Variants in ADK observed in about 807,000 individuals in gnomAD.
ADK encodes N6,N6-dimethyladenosine kinase.
Under a neutral mutation model 44.7 loss-of-function variants are expected in ADK, and 24 were observed. The ratio of observed to expected loss-of-function variants is 0.54; its 90% CI spans 0.39 to 0.76. The LOEUF is 0.76. Ranked by LOEUF, ADK falls within the 30% of genes least tolerant of loss-of-function variation. The pLI is 0.00. For synonymous variants in ADK, 128 were observed against 142.6 expected, an observed-to-expected ratio of 0.90 and a Z score of 0.73; for missense variants, 321 against 425.1, an observed-to-expected ratio of 0.76 and a Z score of 2.15.
chr10:74,545,074 T>G (rs921878319), intron 7 of ADK, among the ~76,000 whole-genome samples: 7 of 152,210 alleles, frequency 4.6e-5, no homozygotes, highest in African/African-American at 1.7e-4. Context: ...CATACTTATG[T>G]CTGTGTTCAG....
intron 6 of ADK, among the ~76,000 whole-genome samples, chr10:74,433,643 T>A (rs1845076837): frequency 6.6e-6 from 1 of 152,102 alleles, no homozygotes; most frequent in Admixed American, 6.6e-5. Context: ...TATAGAGTGA[T>A]TTTTTTATTT....
intron 4 of ADK, among the ~76,000 whole-genome samples, chr10:74,364,385 C>T (rs542808502): frequency 9.7e-4 from 148 of 152,318 alleles, no homozygotes; most frequent in Non-Finnish European, 9.4e-4. Context: ...ATCTCTGATG[C>T]ATTCAGCTGC....
In ADK at chr10:74,401,996, T is replaced by C. The variant is rs192908757; in HGVS notation, c.555+3417T>C. Among the ~76,000 whole-genome samples, 30 of 152,338 alleles carry C rather than the reference T, an allele frequency of 2.0e-4. 1 individual carries two copies. In the East Asian group the frequency reaches 5.6e-3, roughly 28 times the overall value. ...AAGGATTTTATTTCTCCTTCACTTA[T>C]GAAGCTTAGTTTGGCTCGATATGAA... On this transcript the variant is annotated intron_variant, in intron 6 of 10. Transcript: ENST00000539909.
chr10:74,299,670 G>A (rs1839936002), intron 3 of ADK, among the ~76,000 whole-genome samples: 1 of 151,380 alleles, frequency 6.6e-6, no homozygotes, highest in Non-Finnish European at 1.5e-5. Flanking sequence ...AATCTACAAA[G>A]TTTGTGAAAC....
intron 1 of ADK, among the ~76,000 whole-genome samples, chr10:74,155,541 T>C (rs1841722052): frequency 6.6e-6 from 1 of 152,158 alleles, no homozygotes; most frequent in South Asian, 2.1e-4. Context: ...TGTTTGTTTT[T>C]GTTTTTGAGA....
At chr10:74,440,164 AATTGATTCC>A (rs1845348448) in intron 6 of ADK, among the ~76,000 whole-genome samples, 1 of 152,140 alleles carries the variant, frequency 6.6e-6, no homozygotes, top group African/African-American at 2.4e-5. Context: ...TTTATTTGAA[AATTGATTCC>A]ATATTGGACA....
chr10:74,708,307 T>G lies in ADK; in HGVS notation c.965-14T>G, dbSNP rs2131805706. On this transcript the variant is annotated splice_polypyrimidine_tract_variant and intron_variant, in intron 10 of 10. Transcript: ENST00000539909. ...TATACAATACTCATGTGTTTTTTTT[T>G]GCCTGTGTTCTAGGTTTTCTGTCTC... 1 of 1,609,378 alleles carries G rather than the reference T, an allele frequency of 6.2e-7. No homozygotes were observed. The highest frequency in any genetic ancestry group is 1.3e-5 in the African/African-American group (1 of 74,940).
chr10:74,423,465 G>A (rs1030255393), intron 6 of ADK: 2 of 186,750 alleles, frequency 1.1e-5, no homozygotes, highest in Admixed American at 6.2e-5. Flanking sequence ...CTGGCTGGGT[G>A]GTTCTTCTGG....
intron 4 of ADK, among the ~76,000 whole-genome samples, chr10:74,315,158 T>G (rs534908427): frequency 1.3e-5 from 2 of 152,272 alleles, no homozygotes; most frequent in South Asian, 4.1e-4. Flanking sequence ...TTTCAAAGTT[T>G]TTAACGTAAT....
chr10:74,431,740 CCAAT>C (rs3037403), intron 6 of ADK, among the ~76,000 whole-genome samples: 14 of 150,518 alleles, frequency 9.3e-5, no homozygotes, highest in Admixed American at 4.0e-4. Flanking sequence ...GACTCTGTCT[CCAAT>C]CAATCAATCA....
intron 9 of ADK, among the ~76,000 whole-genome samples, chr10:74,631,615 A>T (rs1389499384): frequency 6.6e-6 from 1 of 152,092 alleles, no homozygotes; most frequent in Non-Finnish European, 1.5e-5. Context: ...GCAATCCAAT[A>T]CCACAGAGTT....
intron 1 of ADK, among the ~76,000 whole-genome samples, chr10:74,195,829 A>G (rs1389102241): frequency 3.4e-5 from 5 of 147,504 alleles, no homozygotes; most frequent in Non-Finnish European, 7.4e-5. Context: ...GGCACATGCC[A>G]CCACACGCGG....
chr10:74,628,655 A>G (rs1043754039), intron 9 of ADK, among the ~76,000 whole-genome samples: 1 of 152,222 alleles, frequency 6.6e-6, no homozygotes, highest in Non-Finnish European at 1.5e-5. Flanking sequence ...CACTTCTAAT[A>G]TGAATACAAC....
intron 9 of ADK, among the ~76,000 whole-genome samples, chr10:74,625,599 CTTTT>C (rs1853165323): frequency 6.6e-6 from 1 of 151,944 alleles, no homozygotes; most frequent in Non-Finnish European, 1.5e-5. Flanking sequence ...GATGAAAATC[CTTTT>C]TTTAATTAAA....
At chr10:74,251,822 A>G (rs953891501) in intron 3 of ADK, among the ~76,000 whole-genome samples, 2 of 151,460 alleles carry the variant, frequency 1.3e-5, no homozygotes, top group African/African-American at 4.9e-5. Flanking sequence ...TGTCAAAATT[A>G]GCTATCCAAT....
At chr10:74,343,631 G>A (rs531904619) in intron 4 of ADK, among the ~76,000 whole-genome samples, 6 of 152,146 alleles carry the variant, frequency 3.9e-5, no homozygotes, top group South Asian at 2.1e-4. Flanking sequence ...TTTTTGAGAC[G>A]GAGTTTCGCT....
intron 4 of ADK, among the ~76,000 whole-genome samples, chr10:74,356,033 A>G (rs1467654682): frequency 1.5e-4 from 4 of 27,506 alleles, no homozygotes; most frequent in Admixed American, 5.3e-4. Flanking sequence ...TTTTTTTGAG[A>G]CGGAGTCTCG....
intron 1 of ADK, among the ~76,000 whole-genome samples, chr10:74,152,379 AAAAT>A (rs1325048296): frequency 6.6e-6 from 1 of 152,222 alleles, no homozygotes; most frequent in African/African-American, 2.4e-5. Context: ...CATAAACTTT[AAAAT>A]AAAAACCCTC....
chr10:74,578,133 T>C (rs1414948772), intron 7 of ADK, among the ~76,000 whole-genome samples: 3 of 152,148 alleles, frequency 2.0e-5, no homozygotes, highest in Non-Finnish European at 4.4e-5. Flanking sequence ...GGTTCACATT[T>C]GAACAAAGTG....
Sources: allele counts gnomAD v4.1 joint callset (sites outside exome capture counted in the v4.1 genomes callset), GRCh38; gene constraint gnomAD v4.1.1; transcripts MANE v1.5; gene names NCBI Gene and HGNC (gene_info 2026-07-23, HGNC 2026-07-21).